GREB1: variants seen among roughly 807,000 people sequenced by gnomAD.
GREB1 encodes the protein growth regulating estrogen receptor binding 1, also known as protein GREB1.
A neutral mutation model predicts 200.7 loss-of-function variants in GREB1; 106 were observed. The observed-to-expected ratio is 0.53, with a 90% CI of 0.45 to 0.62. The LOEUF (loss-of-function observed/expected upper bound fraction) is 0.62. Among genes scored for constraint, GREB1 ranks in the 20% least tolerant of loss-of-function variants. The pLI, the probability that GREB1 is intolerant of heterozygous loss-of-function variation, is 0.00. For synonymous variants in GREB1, 1,132 were observed against 1,092.4 expected (o/e 1.04, Z -0.72); for missense variants, 2,243 against 2,556.8 (o/e 0.88, Z 2.65).
Position 11,618,584 on chromosome 2 carries a change from G to C in GREB1, c.3709G>C (p.Ala1237Pro), listed in dbSNP as rs775920880. 190 of 1,612,938 alleles carry C rather than the reference G, an allele frequency of 1.2e-4. No homozygotes were observed. The highest frequency in any genetic ancestry group is 1.5e-4 in the Non-Finnish European group (176 of 1,179,914). Residue 1237 changes from alanine to proline, a missense_variant, in exon 22 of 33, where the codon GCC (alanine) becomes CCC (proline). Physicochemically the swap from Ala to Pro is conservative, Grantham distance 27. Coordinates refer to ENST00000381486, the MANE Select transcript of GREB1 (RefSeq NM_014668.4). ...ATCCTCCTCATCCGTGGCGCCCGCT[G>C]CCGGCACGTGGGTCCTGCAGGCCTC... ...GSSSSSVAPA[A>P]GTWVLQASQC...
intron 26 of GREB1, among the ~76,000 whole-genome samples, chr2:11,631,645 G>A (rs1023166985): frequency 2.6e-5 from 4 of 152,180 alleles, no homozygotes; most frequent in African/African-American, 9.7e-5. Context: ...GTCTCTCATC[G>A]TCCAGCAGGC....
At chr2:11,586,288 T>C (rs34507933) in intron 9 of GREB1, among the ~76,000 whole-genome samples, 29,045 of 152,220 alleles carry the variant, frequency 0.19, 3,667 homozygotes, top group African/African-American at 0.36. Flanking sequence ...CTGCAGGAGC[T>C]CCGCTCTGGT....
Position 11,580,790 on chromosome 2 carries a change from G to T in GREB1, c.859G>T (p.Ala287Ser), listed in dbSNP as rs1451716548. ...GKDSPKCQQL[A>S]KNNLLALPRP... ...AGATTCCCCGAAGTGCCAACAACTG[G>T]CAAAGAATAACCTGTTGGCCCTGCC... The change falls in exon 7 of 33, where the codon GCA becomes TCA. Residue 287 changes from alanine (A) to serine (S), a missense_variant. By Grantham distance (99) the Ala-to-Ser change is moderately conservative. Transcript: ENST00000381486. The surrounding 1 kb of genome is among the most constrained non-coding windows in gnomAD (Gnocchi z 4.5). 3 of 1,614,068 alleles carry T rather than the reference G, an allele frequency of 1.9e-6. No individual in the cohort carries two copies. The highest frequency in any genetic ancestry group is 2.5e-6 in the Non-Finnish European group (3 of 1,180,036).
intron 23 of GREB1, 70 bp from the exon 24 acceptor site, chr2:11,625,084 T>G (rs1345713089): frequency 8.1e-7 from 1 of 1,227,434 alleles, no homozygotes; most frequent in Non-Finnish European, 1.2e-6. Context: ...CTGTGTTGTT[T>G]AGCGACACAT....
rs1683733117 is a variant in GREB1 at position 11,618,724 on chromosome 2, C to G, written c.3849C>G (p.Leu1283=). 6.2e-7 allele frequency: 1 copy of G among 1,613,650 alleles called. No homozygotes were observed. The highest frequency in any genetic ancestry group is 1.3e-5 in the African/African-American group (1 of 75,068). Residue 1283 remains leucine (L), a synonymous_variant, in exon 22 of 33, where the codon CTC becomes CTG. Transcript: ENST00000381486. ...DSSGLPKAAS[L]LPSPSVMWAS... is the part of the protein sequence containing the mutation. ...GTGGCCTGCCCAAGGCCGCCTCCCT[C>G]CTGCCCTCCCCCTCGGTCATGTGGG... is the stretch of plus-strand genomic sequence containing the variant.
chr2:11,489,174 C>G (rs1053828066), intron 1 of GREB1, among the ~76,000 whole-genome samples: 1 of 152,086 alleles, frequency 6.6e-6, no homozygotes, highest in South Asian at 2.1e-4. Flanking sequence ...TTGGGCCGGC[C>G]GGGCACAGTG....
chr2:11,535,098 C>T (rs907542039), intron 1 of GREB1, among the ~76,000 whole-genome samples: 1 of 152,090 alleles, frequency 6.6e-6, no homozygotes, highest in Non-Finnish European at 1.5e-5. Context: ...CTGCATGTGG[C>T]CCTGGGGTGG....
chr2:11,489,234 CAG>C (rs1426712292), intron 1 of GREB1, among the ~76,000 whole-genome samples: 1 of 152,148 alleles, frequency 6.6e-6, no homozygotes, highest in African/African-American at 2.4e-5. Context: ...ATCACAAGGT[CAG>C]GGGTTCGCAG....
chr2:11,583,861 A>G (rs545754239), intron 7 of GREB1, among the ~76,000 whole-genome samples: 2 of 150,696 alleles, frequency 1.3e-5, no homozygotes, highest in African/African-American at 4.9e-5. Flanking sequence ...CTCTGTCTCG[A>G]AAAAAAAAAT....
chr2:11,492,433 G>A lies in GREB1; in HGVS notation c.-159+10052G>A, dbSNP rs1672792712. 6.6e-6 allele frequency among the ~76,000 whole-genome samples: 1 copy of A among 152,216 alleles called. No homozygotes were observed. The highest frequency in any genetic ancestry group is 6.5e-5 in the Admixed American group (1 of 15,288). On this transcript the variant is annotated intron_variant, in intron 1 of 2. Transcript: ENST00000628795. The surrounding 1 kb of genome is among the most constrained non-coding windows in gnomAD (Gnocchi z 4.0). ...CATGTGTACAGAATTTCCGCAAAAG[G>A]AGGACGATAAATTGGGAGCTCAGCT... is the stretch of plus-strand genomic sequence containing the variant.
In GREB1 at chr2:11,627,732, G is replaced by C. The variant is rs1243831055; in HGVS notation, c.4449+628G>C. 2.0e-5 allele frequency among the ~76,000 whole-genome samples: 3 copies of C among 152,304 alleles called. No individual in the cohort carries two copies. The East Asian group carries it at 5.8e-4, about 29-fold the overall frequency. ...CAGGGCTCTGGCTGCCTCAGGCCCT[G>C]GTGGGTCACCTGAAGCCACGCCTGC... is the stretch of plus-strand genomic sequence containing the variant. On this transcript the variant is annotated intron_variant, in intron 25 of 32. Transcript: ENST00000381486.
At chr2:11,627,823 TTTCATTGTCCCTGTTTTATAAATGAGGA>T (rs2148406458) in intron 25 of GREB1, among the ~76,000 whole-genome samples, 1 of 152,302 alleles carries the variant, frequency 6.6e-6, no homozygotes, top group South Asian at 2.1e-4. Context: ...CACACTAAAA[TTTCATTGTCCCTGTTTTATAAATGAGGA>T]TCCTGTTTGG....
At chr2:11,556,814 G>A (rs1676477963) in intron 2 of GREB1, 43 bp downstream of exon 2, 3 of 1,517,552 alleles carry the variant, frequency 2.0e-6, no homozygotes, top group Non-Finnish European at 2.7e-6. Flanking sequence ...TTCTTTTATT[G>A]TGCGCAGTTA....
intron 7 of GREB1, among the ~76,000 whole-genome samples, chr2:11,582,287 C>G (rs759782688): frequency 2.0e-5 from 3 of 152,172 alleles, no homozygotes; most frequent in Non-Finnish European, 4.4e-5. Context: ...TGCCATGCTC[C>G]GTGGAGGGGT....
chr2:11,578,563 T>TTTCTAA, intron 6 of GREB1, 132 bp downstream of exon 6: 3 of 851,268 alleles, frequency 3.5e-6, no homozygotes, highest in Non-Finnish European at 3.5e-6. Context: ...CTATAACACC[T>TTTCTAA]TTACTTTCAT....
intron 7 of GREB1, among the ~76,000 whole-genome samples, chr2:11,583,354 C>G (rs1572807018): frequency 6.6e-6 from 1 of 152,188 alleles, no homozygotes; most frequent in African/African-American, 2.4e-5. Flanking sequence ...AGGCCTCATC[C>G]CTGCAAACAG....
rs1360737228 is a variant in GREB1, at chr2:11,635,301, C to T, written c.5242C>T (p.Arg1748Trp). The change falls in exon 30 of 33, where the codon CGG becomes TGG. Residue 1748 changes from arginine to tryptophan, a missense_variant. Physicochemically the swap from Arg to Trp is moderately radical, Grantham distance 101. Transcript: ENST00000381486. The stretch of plus-strand genomic sequence containing the variant: ...GTGTGACGATGTAGACTTCAACCTG[C>T]GGGTGCACAGCGCCGGCCTCCTGCT... ...FLCDDVDFNL[R>W]VHSAGLLLCR... The T allele has an allele frequency of 4.3e-6, 7 of 1,614,156 alleles. No homozygotes were observed. The highest frequency in any genetic ancestry group is 1.7e-5 in the Admixed American group (1 of 60,026).
At chr2:11,600,353 C>G (rs2148237772) in intron 15 of GREB1, among the ~76,000 whole-genome samples, 1 of 152,238 alleles carries the variant, frequency 6.6e-6, no homozygotes, top group East Asian at 1.9e-4. Context: ...CAAAATGCTT[C>G]CCAATCCTTT....
At chr2:11,568,288 GGA>G (rs1011720532) in intron 4 of GREB1, among the ~76,000 whole-genome samples, 2 of 152,336 alleles carry the variant, frequency 1.3e-5, no homozygotes, top group Admixed American at 1.3e-4. Context: ...GATGAAGAAT[GGA>G]GAGAGGGGAG....
Sources: gnomAD v4.1 joint callset for allele counts (sites outside exome capture counted in the v4.1 genomes callset) on GRCh38, gnomAD v4.1.1 for gene constraint, Gnocchi (gnomAD v3.1) non-coding constraint, MANE v1.5 for transcripts, NCBI Gene and HGNC (gene_info 2026-07-23, HGNC 2026-07-21) for gene names.